Variants in MCTP2 observed in about 807,000 individuals in gnomAD.
MCTP2 encodes the protein multiple C2 and transmembrane domain containing 2.
Under a neutral mutation model 111.6 loss-of-function variants are expected in MCTP2, and 132 were observed. The observed-to-expected ratio is 1.18, with a 90% CI of 1.03 to 1.37. MCTP2 has a LOEUF of 1.37. MCTP2 is among the 40% of genes most tolerant of loss of function. The pLI is 0.00. For missense variants in MCTP2, 1,183 were observed against 1,067.9 expected, an observed-to-expected ratio of 1.11 and a Z score of -1.50; for synonymous variants, 395 against 387.7, an observed-to-expected ratio of 1.02 and a Z score of -0.22.
At chr15:94,338,687 T>G (rs141243941) in intron 4 of MCTP2, among the ~76,000 whole-genome samples, 1 of 152,124 alleles carries the variant, frequency 6.6e-6, no homozygotes, top group African/African-American at 2.4e-5. Flanking sequence ...CTGGCTGATG[T>G]GGAGTTCAGC....
rs80143964 is a variant in MCTP2, at chr15:94,381,129, C to G, written c.1583-2893C>G. Among the ~76,000 whole-genome samples, 1,492 of 152,314 alleles carry G rather than the reference C, an allele frequency of 9.8e-3. 28 individuals are homozygous for G. The highest frequency in any genetic ancestry group is 0.034 in the African/African-American group (1,429 of 41,568). On this transcript the variant is annotated intron_variant, in intron 12 of 22. Transcript: ENST00000357742. ...ATGTCAGTCTCCCTTGTCCTTTTCT[C>G]TCAGTACCATTGGTGAGCATTTGGA...
chr15:94,429,853 C>G lies in MCTP2; in HGVS notation c.2086-10323C>G, dbSNP rs114070934. Reference sequence around the variant, plus strand: ...ACATCTAATTGGCACCTCATACTCCCCTCCCCAAACCTGCTCTTCCTACAG... The same window carrying G: ...ACATCTAATTGGCACCTCATACTCCGCTCCCCAAACCTGCTCTTCCTACAG... On this transcript the variant is annotated intron_variant, in intron 17 of 22. Coordinates refer to ENST00000357742, the MANE Select transcript of MCTP2 (RefSeq NM_001385001.1). Among the ~76,000 whole-genome samples, 1,105 of 152,272 alleles carry G rather than the reference C, an allele frequency of 7.3e-3. 8 individuals are homozygous for G. The highest frequency in any genetic ancestry group is 0.025 in the African/African-American group (1,038 of 41,546).
At chr15:94,377,442 G>T (rs2079840303) in intron 12 of MCTP2, among the ~76,000 whole-genome samples, 1 of 152,150 alleles carries the variant, frequency 6.6e-6, no homozygotes, top group Non-Finnish European at 1.5e-5. Flanking sequence ...AGAGAACATG[G>T]ACTGTAGCCA....
In MCTP2 at chr15:94,422,053, G is replaced by A. The variant is rs141556791; in HGVS notation, c.2086-18123G>A. Among the ~76,000 whole-genome samples, 144 of 152,284 alleles carry A rather than the reference G, an allele frequency of 9.5e-4. 5 individuals are homozygous for A. In the East Asian group the frequency reaches 0.027, roughly 29 times the overall value. ...CTATAGACATTTTAAACTGAGAGTG[G>A]CTGGGAGGACAGCAATTAGAAATAT... On this transcript the variant is annotated intron_variant, in intron 17 of 22. Coordinates refer to ENST00000357742, the MANE Select transcript of MCTP2 (RefSeq NM_001385001.1).
In MCTP2 at chr15:94,482,426, G is replaced by T. The variant is rs1204293251; in HGVS notation, c.*3392G>T. On this transcript the variant is annotated 3_prime_UTR_variant, in exon 23 of 23. Coordinates refer to ENST00000357742, the MANE Select transcript of MCTP2 (RefSeq NM_001385001.1). ...CTTAACAATTGCTGGACTATGGGAT[G>T]AGGGAGCGTAGAGTCAAGGATGGCT... is the stretch of plus-strand genomic sequence containing the variant. 6.6e-6 allele frequency: 1 copy of T among 152,232 alleles called. No individual in the cohort carries two copies. Among genetic ancestry groups the T allele is most frequent in the African/African-American group, 2.4e-5 (1 of 41,452 alleles). 9.4% of individuals were successfully genotyped at this position (152,232 alleles called of 1,614,324 possible).
chr15:94,404,483 G>A (rs1432175518), intron 17 of MCTP2, among the ~76,000 whole-genome samples: 3 of 151,858 alleles, frequency 2.0e-5, no homozygotes, highest in African/African-American at 7.3e-5. Context: ...TGTATTTTTA[G>A]TAGAGACGGG....
At chr15:94,375,108 T>C (rs2079692742) in intron 12 of MCTP2, among the ~76,000 whole-genome samples, 1 of 151,990 alleles carries the variant, frequency 6.6e-6, no homozygotes, top group East Asian at 1.9e-4. Flanking sequence ...CTTTTACTCT[T>C]GATGGAAGGC....
At chr15:94,360,679 A>T (rs1379042815) in intron 10 of MCTP2, among the ~76,000 whole-genome samples, 1 of 152,102 alleles carries the variant, frequency 6.6e-6, no homozygotes, top group Non-Finnish European at 1.5e-5. Context: ...CGCTTTTCCA[A>T]ATGAGTGTTG....
intron 20 of MCTP2, among the ~76,000 whole-genome samples, chr15:94,467,564 AC>A (rs1314687953): frequency 1.3e-5 from 2 of 151,794 alleles, no homozygotes; most frequent in African/African-American, 2.4e-5. Context: ...GTGTATTCTC[AC>A]CTTTTTTTTA....
rs1019098288 is a variant in MCTP2, at chr15:94,479,904, G to A, written c.*870G>A. ...TTAGAAAGATAAGAAACTGAAGACCGAGAGACTAATAAGGCTGCTTACCTA... is the reference window on the plus strand; with the variant it reads ...TTAGAAAGATAAGAAACTGAAGACCAAGAGACTAATAAGGCTGCTTACCTA... On this transcript the variant is annotated 3_prime_UTR_variant, in exon 23 of 23. Transcript: ENST00000357742. The A allele has an allele frequency of 5.9e-5, 9 of 152,224 alleles. No homozygotes were observed. Among genetic ancestry groups the A allele is most frequent in the South Asian group, 2.1e-4 (1 of 4,812 alleles). 9.4% of individuals were successfully genotyped at this position (152,224 alleles called of 1,614,324 possible). A position where few individuals can be genotyped will look rare whatever the true frequency, so the allele number is the denominator to read the frequency against.
intron 1 of MCTP2, among the ~76,000 whole-genome samples, chr15:94,265,402 C>A (rs2073460724): frequency 6.6e-6 from 1 of 152,130 alleles, no homozygotes; most frequent in South Asian, 2.1e-4. Context: ...GTGGCTGGGA[C>A]CTTAAAGCCA....
intron 1 of MCTP2, among the ~76,000 whole-genome samples, chr15:94,271,225 C>G (rs375419752): frequency 3.3e-5 from 5 of 152,182 alleles, no homozygotes; most frequent in African/African-American, 1.2e-4. Context: ...AACTCCCCAT[C>G]TAAACAATTT....
chr15:94,244,032 T>C (rs530502665), intron 1 of MCTP2, among the ~76,000 whole-genome samples: 6 of 147,514 alleles, frequency 4.1e-5, no homozygotes, highest in East Asian at 4.1e-4. Context: ...TACGTATGTG[T>C]ATATATTGCA....
intron 2 of MCTP2, among the ~76,000 whole-genome samples, chr15:94,312,132 G>A (rs548400783): frequency 2.0e-4 from 30 of 152,266 alleles, no homozygotes; most frequent in African/African-American, 7.2e-4. Context: ...GATTTTTCAG[G>A]CTTCAGAGCA....
At chr15:94,303,098 A>ATATATAGTTTATATT (rs758664356) in intron 2 of MCTP2, among the ~76,000 whole-genome samples, 6 of 127,318 alleles carry the variant, frequency 4.7e-5, no homozygotes, top group African/African-American at 1.9e-4. Flanking sequence ...TAGTTTATAT[A>ATATATAGTTTATATT]GTTTATATAT....
intron 2 of MCTP2, among the ~76,000 whole-genome samples, chr15:94,301,675 G>A (rs902658236): frequency 1.3e-5 from 2 of 152,214 alleles, no homozygotes; most frequent in East Asian, 1.9e-4. Flanking sequence ...TTTTTCCTGT[G>A]AGTTTTCTTT....
At chr15:94,257,096 C>G (rs2072823253) in intron 1 of MCTP2, among the ~76,000 whole-genome samples, 1 of 152,154 alleles carries the variant, frequency 6.6e-6, no homozygotes, top group African/African-American at 2.4e-5. Context: ...CTGTTGACCT[C>G]TTTGCTGTTA....
chr15:94,439,126 T>C (rs1472227675), intron 17 of MCTP2, among the ~76,000 whole-genome samples: 1 of 152,162 alleles, frequency 6.6e-6, no homozygotes, highest in Non-Finnish European at 1.5e-5. Flanking sequence ...AATGACAAGT[T>C]TGAAAAACAT....
At chr15:94,470,071 T>C (rs141977702) in intron 20 of MCTP2, among the ~76,000 whole-genome samples, 281 of 152,254 alleles carry the variant, frequency 1.8e-3, no homozygotes, top group African/African-American at 6.5e-3. Context: ...AAGTCTTCTC[T>C]GGAACTATGG....
Sources: gnomAD v4.1 joint callset for allele counts (sites outside exome capture counted in the v4.1 genomes callset) on GRCh38, gnomAD v4.1.1 for gene constraint, MANE v1.5 for transcripts, NCBI Gene and HGNC (gene_info 2026-07-23, HGNC 2026-07-21) for gene names.